The following ARHGAP32 variants were observed in gnomAD, a reference collection of about 807,000 sequenced individuals.
The protein encoded by ARHGAP32 is rho GTPase-activating protein 32.
In ARHGAP32, 51 loss-of-function variants were observed where a neutral mutation model predicts 186.5. The observed-to-expected ratio is 0.27, with a 90% CI of 0.22 to 0.35. ARHGAP32 has a LOEUF of 0.35. ARHGAP32 is among the 10% of genes least tolerant of loss of function. ARHGAP32 has a pLI of 1.00. For missense variants in ARHGAP32, 2,186 were observed against 2,623.5 expected (o/e 0.83, Z 3.64); for synonymous variants, 950 against 964.3 (o/e 0.99, Z 0.27).
chr11:129,181,490 T>A (rs576104790), intron 1 of ARHGAP32, among the ~76,000 whole-genome samples: 403 of 152,260 alleles, frequency 2.6e-3, no homozygotes, highest in African/African-American at 9.2e-3. Context: ...TATCTGCTTA[T>A]CATAGGGTGC....
At chr11:129,236,990 G>C (rs1389361923) in intron 1 of ARHGAP32, among the ~76,000 whole-genome samples, 1 of 152,110 alleles carries the variant, frequency 6.6e-6, no homozygotes, top group Admixed American at 6.5e-5. Context: ...TCCTTTTCTT[G>C]CATCTATTGA....
intron 11 of ARHGAP32, among the ~76,000 whole-genome samples, chr11:129,006,245 T>TG (rs1937764764): frequency 6.6e-6 from 1 of 152,272 alleles, no homozygotes; most frequent in Admixed American, 6.5e-5. Context: ...CTTCATTTGG[T>TG]GGGGTCACGT....
intron 11 of ARHGAP32, among the ~76,000 whole-genome samples, chr11:129,009,114 T>C (rs1355237488): frequency 1.3e-5 from 2 of 152,214 alleles, no homozygotes; most frequent in African/African-American, 4.8e-5. Context: ...TCTATAATAT[T>C]CAATATTTCT....
intron 5 of ARHGAP32, among the ~76,000 whole-genome samples, chr11:129,105,626 C>G (rs1942028012): frequency 6.6e-6 from 1 of 151,932 alleles, no homozygotes; most frequent in Non-Finnish European, 1.5e-5. Context: ...AATCACCAAA[C>G]AAACCGCAGC....
chr11:129,188,794 G>A (rs572231171), intron 1 of ARHGAP32, among the ~76,000 whole-genome samples: 2 of 152,240 alleles, frequency 1.3e-5, no homozygotes, highest in South Asian at 2.1e-4. Context: ...GGAGATATAC[G>A]TGAAGATCAG....
At chr11:129,023,965 G>C in intron 11 of ARHGAP32, 1 of 985,334 alleles carries the variant, frequency 1.0e-6, no homozygotes, top group Non-Finnish European at 1.2e-6. Context: ...CCGTACAAGA[G>C]TGTAGAAAAT....
intron 2 of ARHGAP32, among the ~76,000 whole-genome samples, chr11:129,132,930 T>C (rs1488630685): frequency 1.3e-5 from 2 of 152,160 alleles, no homozygotes. Context: ...AAATGTAGCA[T>C]CCCAAATAAA....
At chr11:129,230,493 C>T (rs921916781) in intron 1 of ARHGAP32, among the ~76,000 whole-genome samples, 1 of 152,028 alleles carries the variant, frequency 6.6e-6, no homozygotes, top group Non-Finnish European at 1.5e-5. Flanking sequence ...AACATATTTA[C>T]TGTTTTATTC....
At position 128,969,910 on chromosome 11, in the gene ARHGAP32, G is replaced by A; in HGVS notation, c.5303C>T (p.Ser1768Phe). ...LEDMEKYRMQ[S>F]IRRESRARQK... ...CCGAGCACGGCTCTCTCTCCGGATG[G>A]ACTGCATGCGGTATTTTTCCATGTC... Residue 1768 changes from serine to phenylalanine, a missense_variant, in exon 23 of 23, where the codon TCC becomes TTC. Transcript: ENST00000682385. The surrounding 1 kb of genome is among the most constrained non-coding windows in gnomAD (Gnocchi z 4.8). 1 of 1,614,212 alleles carries A rather than the reference G, an allele frequency of 6.2e-7. No homozygotes were observed. The highest frequency in any genetic ancestry group is 8.5e-7 in the Non-Finnish European group (1 of 1,180,032).
At chr11:129,197,337 A>G (rs549241733) in intron 1 of ARHGAP32, among the ~76,000 whole-genome samples, 1 of 152,188 alleles carries the variant, frequency 6.6e-6, no homozygotes, top group Admixed American at 6.5e-5. Context: ...TATGGACAGG[A>G]TATCACACAG....
intron 1 of ARHGAP32, among the ~76,000 whole-genome samples, chr11:129,269,127 C>T (rs1462458311): frequency 6.6e-6 from 1 of 151,900 alleles, no homozygotes; most frequent in African/African-American, 2.4e-5. Flanking sequence ...CAAAAATTAG[C>T]CAGACGTGGT....
chr11:129,104,161 C>A (rs1941983818), intron 5 of ARHGAP32, among the ~76,000 whole-genome samples: 2 of 151,902 alleles, frequency 1.3e-5, no homozygotes, highest in Non-Finnish European at 2.9e-5. Flanking sequence ...AACAAAACCT[C>A]ACCAAAAAAA....
Position 129,068,054 on chromosome 11 carries a change from T to A in ARHGAP32, c.532-1186A>T, listed in dbSNP as rs185110919. On this transcript the variant is annotated intron_variant, in intron 6 of 22. Coordinates refer to ENST00000682385, the MANE Select transcript of ARHGAP32 (RefSeq NM_001378024.1). Reference sequence around the variant, plus strand: ...TGTGACTGAGACTTTTGAAGAACAGTGTCCTGGTCCCTATTCTAAGAGATG... The same window carrying A: ...TGTGACTGAGACTTTTGAAGAACAGAGTCCTGGTCCCTATTCTAAGAGATG... Among the ~76,000 whole-genome samples, 198 of 152,188 alleles carry A rather than the reference T, an allele frequency of 1.3e-3. 1 individual carries two copies. The highest frequency in any genetic ancestry group is 3.2e-3 in the Admixed American group (49 of 15,262).
chr11:129,036,405 A>AG (rs1157911056), intron 11 of ARHGAP32, among the ~76,000 whole-genome samples: 38 of 147,404 alleles, frequency 2.6e-4, no homozygotes, highest in Middle Eastern at 7.4e-3. Context: ...AAAAAAAAAA[A>AG]AGAGAGAAAG....
At chr11:129,150,995 T>C (rs1300161454) in intron 2 of ARHGAP32, among the ~76,000 whole-genome samples, 1 of 148,934 alleles carries the variant, frequency 6.7e-6, no homozygotes, top group Non-Finnish European at 1.5e-5. Context: ...TCCCCTAAGG[T>C]GACAACTCAA....
chr11:129,256,132 C>T (rs1945251260), intron 1 of ARHGAP32, among the ~76,000 whole-genome samples: 1 of 151,964 alleles, frequency 6.6e-6, no homozygotes. Flanking sequence ...CAGGCAAAAA[C>T]AAATCCATGC....
Position 128,969,419 on chromosome 11 carries a change from C to G in ARHGAP32, c.5794G>C (p.Val1932Leu), listed in dbSNP as rs1404475671. ...SKGIPDTSEP[V>L]SYHNSGVKYA... ...TTTACTCCAGAGTTGTGGTAGCTGA[C>G]TGGCTCAGAAGTGTCTGGAATCCCT... The change falls in exon 23 of 23, where the codon GTC becomes CTC. Residue 1932 changes from valine (V) to leucine (L), a missense_variant. Transcript: ENST00000682385. The surrounding 1 kb of genome is among the most constrained non-coding windows in gnomAD (Gnocchi z 4.8). The G allele has an allele frequency of 6.2e-7, 1 of 1,614,110 alleles. No individual in the cohort carries two copies. The highest frequency in any genetic ancestry group is 1.7e-5 in the Admixed American group (1 of 60,006).
intron 2 of ARHGAP32, among the ~76,000 whole-genome samples, chr11:129,149,427 G>A (rs544972003): frequency 6.6e-6 from 1 of 152,312 alleles, no homozygotes; most frequent in Admixed American, 6.5e-5. Context: ...TGGCATCCAT[G>A]CCTGGGAGAC....
intron 10 of ARHGAP32, among the ~76,000 whole-genome samples, chr11:129,060,336 CATAGATAGATAG>C (rs60434028): frequency 0.012 from 1,736 of 148,548 alleles, 16 homozygotes; most frequent in Non-Finnish European, 0.016. Flanking sequence ...AGGTGTTACA[CATAGATAGATAG>C]ATAGATAGAT....
Sources: gnomAD v4.1 joint callset for allele counts (sites outside exome capture counted in the v4.1 genomes callset) on GRCh38, gnomAD v4.1.1 for gene constraint, Gnocchi (gnomAD v3.1) non-coding constraint, MANE v1.5 for transcripts, NCBI Gene and HGNC (gene_info 2026-07-23, HGNC 2026-07-21) for gene names.